The following MTHFD2L variants were observed in gnomAD, a reference collection of about 807,000 sequenced individuals.
MTHFD2L encodes the protein methylenetetrahydrofolate dehydrogenase (NADP+ dependent) 2 like.
A neutral mutation model predicts 34.9 loss-of-function variants in MTHFD2L; 29 were observed. The observed-to-expected ratio is 0.83, with a 90% CI of 0.62 to 1.13. The LOEUF is 1.13. Among genes scored for constraint, MTHFD2L ranks in the 50% most tolerant of loss-of-function variants. The pLI, the probability that MTHFD2L is intolerant of heterozygous loss-of-function variation, is 0.00. For missense variants in MTHFD2L, 481 were observed against 446.5 expected, an observed-to-expected ratio of 1.08 and a Z score of -0.70; for synonymous variants, 167 against 155.7, an observed-to-expected ratio of 1.07 and a Z score of -0.54.
chr4:74,122,637 A>G (rs994342006), upstream of MTHFD2L, among the ~76,000 whole-genome samples: 2 of 152,218 alleles, frequency 1.3e-5, no homozygotes, highest in African/African-American at 2.4e-5. Context: ...ATAAGGAAAC[A>G]TCAGATAAAT....
chr4:74,128,428 T>G (rs1437781255), intron 1 of MTHFD2L, among the ~76,000 whole-genome samples: 2 of 152,102 alleles, frequency 1.3e-5, no homozygotes, highest in Non-Finnish European at 2.9e-5. Context: ...TTTCACTCTA[T>G]GCATATGGTT....
intron 1 of MTHFD2L, among the ~76,000 whole-genome samples, chr4:74,129,138 A>T (rs941456579): frequency 6.6e-6 from 1 of 152,028 alleles, no homozygotes; most frequent in Admixed American, 6.6e-5. Flanking sequence ...TTTTAAGGAG[A>T]TGACAACTTA....
chr4:74,277,487 T>TG (rs1255975078), intron 6 of MTHFD2L, among the ~76,000 whole-genome samples: 1 of 152,058 alleles, frequency 6.6e-6, no homozygotes. Context: ...CACTGTTAAG[T>TG]GGCAGGGGAA....
intron 1 of MTHFD2L, among the ~76,000 whole-genome samples, chr4:74,170,441 T>C (rs941486422): frequency 1.3e-5 from 2 of 152,094 alleles, no homozygotes; most frequent in African/African-American, 4.8e-5. Flanking sequence ...AAACTAAAAA[T>C]AGACATAAAT....
intron 6 of MTHFD2L, among the ~76,000 whole-genome samples, chr4:74,237,575 C>T (rs778892915): frequency 5.9e-5 from 9 of 152,162 alleles, no homozygotes; most frequent in Non-Finnish European, 1.2e-4. Flanking sequence ...GATCGCATCA[C>T]TGCACTCCTG....
At chr4:74,133,105 T>C (rs573221566) in intron 1 of MTHFD2L, among the ~76,000 whole-genome samples, 6 of 152,222 alleles carry the variant, frequency 3.9e-5, no homozygotes, top group Non-Finnish European at 8.8e-5. Flanking sequence ...TCTTAGCTTT[T>C]GTCTGTGAAA....
chr4:74,233,946 T>C (rs1288268733), intron 6 of MTHFD2L, among the ~76,000 whole-genome samples: 3 of 151,908 alleles, frequency 2.0e-5, no homozygotes, highest in African/African-American at 7.2e-5. Flanking sequence ...CATATATATG[T>C]ACTATTTCTG....
intron 6 of MTHFD2L, among the ~76,000 whole-genome samples, chr4:74,248,776 T>G (rs1180705908): frequency 6.6e-6 from 1 of 151,878 alleles, no homozygotes; most frequent in Non-Finnish European, 1.5e-5. Context: ...TCAGTTTCCA[T>G]GTAGTTGAGC....
At chr4:74,276,850 T>A (rs1250796005) in intron 6 of MTHFD2L, among the ~76,000 whole-genome samples, 2 of 152,122 alleles carry the variant, frequency 1.3e-5, no homozygotes, top group African/African-American at 4.8e-5. Context: ...TATATAATTA[T>A]CTTCTTAAGT....
chr4:74,169,734 A>G (rs1578326518), intron 1 of MTHFD2L, among the ~76,000 whole-genome samples: 1 of 152,202 alleles, frequency 6.6e-6, no homozygotes, highest in Non-Finnish European at 1.5e-5. Context: ...GATCCTTGTT[A>G]TCTTAGTGCC....
At chr4:74,241,999 A>G (rs1345558666) in intron 6 of MTHFD2L, 2 of 153,146 alleles carry the variant, frequency 1.3e-5, no homozygotes, top group African/African-American at 4.8e-5. Context: ...GGCTGTAATA[A>G]GGCAACATGA....
At chr4:74,120,205 C>A (rs1039380888), upstream of MTHFD2L, among the ~76,000 whole-genome samples, 1 of 152,136 alleles carries the variant, frequency 6.6e-6, no homozygotes, top group Non-Finnish European at 1.5e-5. Context: ...GCATGTGTTT[C>A]TCATTTGGCT....
At chr4:74,250,579 A>C (rs1743167285) in intron 6 of MTHFD2L, among the ~76,000 whole-genome samples, 1 of 152,196 alleles carries the variant, frequency 6.6e-6, no homozygotes, top group African/African-American at 2.4e-5. Context: ...ATATTTTTCT[A>C]TCTGGATATT....
chr4:74,221,642 C>T (rs1341849768), intron 5 of MTHFD2L, among the ~76,000 whole-genome samples: 1 of 151,686 alleles, frequency 6.6e-6, no homozygotes, highest in East Asian at 1.9e-4. Flanking sequence ...ATAATGTATG[C>T]TGTATAGAAT....
Position 74,134,451 on chromosome 4 carries a change from C to T in MTHFD2L, c.-297+8934C>T, listed in dbSNP as rs992640846. On this transcript the variant is annotated intron_variant, in intron 1 of 7. Transcript: ENST00000433372. ...ATAGGCTTATGGCGCCATCTAGAGC[C>T]GAAAACAAGGCAGCAAGCTGGCAGT... Among the ~76,000 whole-genome samples the T allele has an allele frequency of 3.6e-4, 54 of 152,040 alleles. 1 individual carries two copies. The highest frequency in any genetic ancestry group is 1.2e-3 in the African/African-American group (48 of 41,476).
intron 3 of MTHFD2L, among the ~76,000 whole-genome samples, chr4:74,199,431 T>A (rs1320465000): frequency 6.6e-6 from 1 of 152,196 alleles, no homozygotes; most frequent in Non-Finnish European, 1.5e-5. Flanking sequence ...AACTGTCTTG[T>A]GTCATAGAAA....
At chr4:74,225,235 G>A (rs1195846540) in intron 5 of MTHFD2L, 67 bp from the exon 6 acceptor site, 2 of 1,193,744 alleles carry the variant, frequency 1.7e-6, no homozygotes, top group African/African-American at 1.5e-5. Context: ...AACTCTTCTG[G>A]ATTTAGAGCA....
chr4:74,207,230 T>C (rs548988205), intron 5 of MTHFD2L, among the ~76,000 whole-genome samples: 95 of 152,324 alleles, frequency 6.2e-4, no homozygotes, highest in Admixed American at 6.1e-3. Context: ...TCTCTTGGCA[T>C]ACTTTTATTT....
At position 74,170,688 on chromosome 4, in the gene MTHFD2L, G is replaced by C. The variant is rs74485829; in HGVS notation, c.144-3818G>C. ...TATTTCAAACCCCATATCTGATAAA[G>C]GACATGAATCTAGGATACACAAAGA... On this transcript the variant is annotated intron_variant, in intron 1 of 7. Transcript: ENST00000325278. Among the ~76,000 whole-genome samples, 731 of 151,966 alleles carry C rather than the reference G, an allele frequency of 4.8e-3. 9 individuals carry two copies. The highest frequency in any genetic ancestry group is 0.017 in the African/African-American group (709 of 41,432).
Sources: allele counts gnomAD v4.1 joint callset (sites outside exome capture counted in the v4.1 genomes callset), GRCh38; gene constraint gnomAD v4.1.1; transcripts MANE v1.5; gene names NCBI Gene and HGNC (gene_info 2026-07-23, HGNC 2026-07-21).